COXFA4L2: variants seen among roughly 807,000 people sequenced by gnomAD.
COXFA4L2 encodes cytochrome c oxidase hypoxia associated subunit FA4L2.
chr12:57,239,056 C>T, the COXFA4L2 span, among the ~76,000 whole-genome samples: 1 of 152,246 alleles, frequency 6.6e-6, no homozygotes, highest in Non-Finnish European at 1.5e-5. The surrounding 1 kb of genome is among the most constrained non-coding windows in gnomAD (Gnocchi z 5.5). Context: ...GGTGAGGGAC[C>T]GCAGGAGTCA....
the COXFA4L2 span, chr12:57,236,369 CG>C: frequency 3.2e-5 from 16 of 495,784 alleles, no homozygotes; most frequent in Non-Finnish European, 4.9e-5. Context: ...GGGAGAGGCG[CG>C]GGTTCCGCAT....
the COXFA4L2 span, chr12:57,237,199 C>A: frequency 6.3e-7 from 1 of 1,588,860 alleles, no homozygotes. Context: ...TAGCTTGGCC[C>A]AGCCCGTGCT....
the COXFA4L2 span, among the ~76,000 whole-genome samples, chr12:57,238,387 G>A: frequency 6.6e-6 from 1 of 151,890 alleles, no homozygotes; most frequent in African/African-American, 2.4e-5. This position sits in a 1 kb window ranked among gnomAD's most constrained non-coding sequence, Gnocchi z 6.8. Context: ...CAAAGAGACA[G>A]AGACTCGCTG....
At chr12:57,239,036 G>A in the COXFA4L2 span, among the ~76,000 whole-genome samples, 1 of 152,244 alleles carries the variant, frequency 6.6e-6, no homozygotes, top group Non-Finnish European at 1.5e-5. The surrounding 1 kb of genome is among the most constrained non-coding windows in gnomAD (Gnocchi z 5.5). Context: ...AGGCCACGCT[G>A]GCCCAGCGGG....
the COXFA4L2 span, among the ~76,000 whole-genome samples, chr12:57,238,740 C>T: frequency 6.6e-6 from 1 of 152,242 alleles, no homozygotes; most frequent in Non-Finnish European, 1.5e-5. The surrounding 1 kb of genome is among the most constrained non-coding windows in gnomAD (Gnocchi z 6.8). Context: ...CCCAAATTCT[C>T]CGTCGCGCTC....
the COXFA4L2 span, chr12:57,236,780 G>A: frequency 8.8e-7 from 1 of 1,132,046 alleles, no homozygotes; most frequent in Non-Finnish European, 1.3e-6. Context: ...CCCACCCCGG[G>A]TCTGGTGCTC....
At chr12:57,237,260 G>T in the COXFA4L2 span, 1 of 1,459,166 alleles carries the variant, frequency 6.9e-7, no homozygotes, top group Non-Finnish European at 9.0e-7. Flanking sequence ...TCAATTCCAG[G>T]CCCAAAGCCT....
the COXFA4L2 span, chr12:57,240,611 C>A: frequency 3.1e-6 from 3 of 962,042 alleles, no homozygotes; most frequent in Non-Finnish European, 3.7e-6. Context: ...CACTGTCATT[C>A]GGATACACGC....
At chr12:57,236,707 T>C in the COXFA4L2 span, 2 of 1,537,682 alleles carry the variant, frequency 1.3e-6, no homozygotes, top group Admixed American at 2.0e-5. Context: ...AGAGCACTTT[T>C]GGGGTCAGCC....
chr12:57,236,772 C>T, the COXFA4L2 span: 2 of 1,217,706 alleles, frequency 1.6e-6, no homozygotes, highest in Admixed American at 4.7e-5. Context: ...ACCCCAACCC[C>T]ACCCCGGGTC....
the COXFA4L2 span, chr12:57,235,661 C>G: frequency 6.2e-7 from 1 of 1,612,898 alleles, no homozygotes; most frequent in Non-Finnish European, 8.5e-7. Context: ...GTACCCCAAG[C>G]CTCCCTTTGC....
the COXFA4L2 span, chr12:57,240,664 C>T: frequency 1.0e-6 from 1 of 985,446 alleles, no homozygotes; most frequent in Non-Finnish European, 1.2e-6. Context: ...CGCACTGTCA[C>T]TGAGACACAC....
the COXFA4L2 span, chr12:57,235,345 C>G: frequency 1.7e-6 from 1 of 599,848 alleles, no homozygotes; most frequent in Non-Finnish European, 3.0e-6. Flanking sequence ...TCCTCCCCCA[C>G]GTGGGACTCA....
At chr12:57,237,213 T>C in the COXFA4L2 span, 8 of 1,561,216 alleles carry the variant, frequency 5.1e-6, no homozygotes, top group African/African-American at 8.2e-5. Context: ...CCGTGCTTCT[T>C]TGGACTCACC....
the COXFA4L2 span, chr12:57,236,434 G>A: frequency 1.3e-5 from 8 of 593,496 alleles, no homozygotes; most frequent in Non-Finnish European, 1.1e-5. Context: ...GAGGGGATAC[G>A]GGGGTCTCCC....
chr12:57,239,823 C>A, the COXFA4L2 span: 1 of 152,784 alleles, frequency 6.5e-6, no homozygotes, highest in Non-Finnish European at 1.5e-5. This position sits in a 1 kb window ranked among gnomAD's most constrained non-coding sequence, Gnocchi z 5.5. Context: ...CTCCATCTCA[C>A]TGTGTCTCTC....
chr12:57,239,162 AG>A, the COXFA4L2 span, among the ~76,000 whole-genome samples: 3 of 152,196 alleles, frequency 2.0e-5, no homozygotes, highest in African/African-American at 7.2e-5. This position sits in a 1 kb window ranked among gnomAD's most constrained non-coding sequence, Gnocchi z 5.5. Context: ...GGCTGCACAG[AG>A]GGTCAAAGGC....
chr12:57,235,806 C>T, the COXFA4L2 span: 2 of 1,540,364 alleles, frequency 1.3e-6, no homozygotes, highest in Non-Finnish European at 1.8e-6. Context: ...TCTTTCTGTC[C>T]CAGCTGTGGA....
the COXFA4L2 span, chr12:57,236,408 G>T: frequency 5.1e-4 from 274 of 539,774 alleles, 4 homozygotes; most frequent in Non-Finnish European, 1.9e-5. Context: ...TGAGGAGTGA[G>T]CGGCCAGGTG....
Sources: gnomAD v4.1 joint callset for allele counts (sites outside exome capture counted in the v4.1 genomes callset) on GRCh38, gnomAD v4.1.1 for gene constraint, Gnocchi (gnomAD v3.1) non-coding constraint, MANE v1.5 for transcripts, NCBI Gene and HGNC (gene_info 2026-07-23, HGNC 2026-07-21) for gene names.